RNF151: variants seen among roughly 807,000 people sequenced by gnomAD.
RNF151 encodes ring finger protein 151.
Under a neutral mutation model 11.1 loss-of-function variants are expected in RNF151, and 9 were observed. The ratio of observed to expected loss-of-function variants is 0.81; its 90% confidence interval spans 0.49 to 1.42. The LOEUF is 1.42. RNF151 is among the 40% of genes most tolerant of loss of function. The pLI, the probability that RNF151 is intolerant of heterozygous loss-of-function variation, is 0.00. For synonymous variants in RNF151, 172 were observed against 140.7 expected, an observed-to-expected ratio of 1.22 and a Z score of -1.58; for missense variants, 372 against 342.9, an observed-to-expected ratio of 1.08 and a Z score of -0.67.
chr16:1,968,510 T>G lies in RNF151; in HGVS notation c.323T>G (p.Phe108Cys). Residue 108 changes from phenylalanine (F) to cysteine (C), a missense_variant, in exon 4 of 4, where the codon TTT becomes TGT. By Grantham distance (205) the Phe-to-Cys change is radical. Coordinates refer to ENST00000569714, the MANE Select transcript of RNF151 (RefSeq NM_174903.6). Reference protein sequence around the residue: ...HRKGHQDSCPFELTACPNEGC... With the variant: ...HRKGHQDSCPCELTACPNEGC... The stretch of plus-strand genomic sequence containing the variant: ...AAGGGGCACCAGGACTCATGCCCCT[T>G]TGAGCTAACGGCCTGCCCCAACGAG... The G allele has an allele frequency of 6.2e-7, 1 of 1,608,606 alleles. No individual in the cohort carries two copies. The highest frequency in any genetic ancestry group is 1.1e-5 in the South Asian group (1 of 90,270).
At position 1,967,274 on chromosome 16, in the gene RNF151, G is replaced by C; in HGVS notation, c.4G>C (p.Gly2Arg). M[G>R]GGYDLNLFAS... is the part of the protein sequence containing the mutation. Reference sequence around the variant, plus strand: ...AGGTGCTGACACCTGGCCTTTGCAGGGTGGCGGGTATGATCTCAACCTCTT... The same window carrying C: ...AGGTGCTGACACCTGGCCTTTGCAGCGTGGCGGGTATGATCTCAACCTCTT... The change falls in exon 2 of 4, where the codon GGT becomes CGT. Residue 2 changes from glycine to arginine, a missense_variant and splice_region_variant. By Grantham distance (125) the Gly-to-Arg change is moderately radical. Transcript: ENST00000569714. The C allele has an allele frequency of 3.1e-6, 5 of 1,612,704 alleles. No homozygotes were observed. The highest frequency in any genetic ancestry group is 4.2e-6 in the Non-Finnish European group (5 of 1,179,462).
chr16:1,967,898 G>A lies in RNF151; in HGVS notation c.246+77G>A, dbSNP rs1412187964. ...GGGTGGGGCAGGGCTAGGAGAGAAG[G>A]CAGGAGAATCCCATCTTCAGAGAGA... On this transcript the variant is annotated intron_variant, in intron 3 of 3. Coordinates refer to ENST00000569714, the MANE Select transcript of RNF151 (RefSeq NM_174903.6). The A allele has an allele frequency of 5.8e-6, 6 of 1,030,978 alleles. No individual in the cohort carries two copies. In the Admixed American group the frequency reaches 1.2e-4, roughly 20 times the overall value. 63.9% of individuals were successfully genotyped at this position (1,030,978 alleles called of 1,614,324 possible).
In RNF151 at chr16:1,967,397, T is replaced by C. The variant is rs909347208; in HGVS notation, c.127T>C (p.Cys43Arg). The C allele has an allele frequency of 3.7e-6, 6 of 1,613,440 alleles. No homozygotes were observed. In the African/African-American group the frequency reaches 4.0e-5, roughly 11 times the overall value. ...ATGCAGCCACATCTTCTGCAAAAAG[T>C]GCATCCTCCGGTGGCTAGCCAGGTG... ...LPCSHIFCKK[C>R]ILRWLARQKT... is the part of the protein sequence containing the mutation. The change falls in exon 2 of 4, where the codon TGC becomes CGC. Residue 43 changes from cysteine (C) to arginine (R), a missense_variant. By Grantham distance (180) the Cys-to-Arg change is radical (BLOSUM62 -3). Transcript: ENST00000569714.
chr16:1,966,924 T>A (rs761068190), intron 1 of RNF151, 40 bp downstream of exon 1: 2 of 1,554,076 alleles, frequency 1.3e-6, no homozygotes, highest in South Asian at 2.4e-5. Flanking sequence ...CTGAGATGTG[T>A]GCCCAACTCC....
Position 1,968,454 on chromosome 16 carries a change from C to A in RNF151, c.267C>A (p.Gly89=). The change falls in exon 4 of 4, where the codon GGC becomes GGA. Residue 89 remains glycine (G), a synonymous_variant. Coordinates refer to ENST00000569714, the MANE Select transcript of RNF151 (RefSeq NM_174903.6). ...CTCAGTGCAAGAACGCCGACGCTGG[C>A]TGCATAGTGACATGCCCCCTGGCCC... ...LEVKCKNADA[G]CIVTCPLAHR... 6.4e-7 allele frequency: 1 copy of A among 1,567,636 alleles called. No individual in the cohort carries two copies. Among genetic ancestry groups the A allele is most frequent in the Non-Finnish European group, 8.7e-7 (1 of 1,152,152 alleles).
chr16:1,967,212 C>G (rs752454884), intron 1 of RNF151, 62 bp from the exon 2 acceptor site: 5 of 1,557,032 alleles, frequency 3.2e-6, no homozygotes, highest in Non-Finnish European at 4.3e-6. Flanking sequence ...CTCTCTTGCT[C>G]GGTATGTGGA....
Position 1,967,276 on chromosome 16 carries a change from T to C in RNF151, c.6T>C (p.Gly2=). 1.2e-6 allele frequency: 2 copies of C among 1,612,672 alleles called. No homozygotes were observed. Among genetic ancestry groups the C allele is most frequent in the Non-Finnish European group, 1.7e-6 (2 of 1,179,484 alleles). The part of the protein sequence containing the change: M[G]GGYDLNLFAS... Reference sequence around the variant, plus strand: ...GTGCTGACACCTGGCCTTTGCAGGGTGGCGGGTATGATCTCAACCTCTTCG... The same window carrying C: ...GTGCTGACACCTGGCCTTTGCAGGGCGGCGGGTATGATCTCAACCTCTTCG... Residue 2 remains glycine (G), a splice_region_variant and synonymous_variant, in exon 2 of 4, where the codon GGT becomes GGC. Transcript: ENST00000569714.
In RNF151 at chr16:1,968,898, G is replaced by C. The variant is rs754473703; in HGVS notation, c.711G>C (p.Glu237Asp). The C allele has an allele frequency of 6.3e-7, 1 of 1,598,592 alleles. No homozygotes were observed. Among genetic ancestry groups the C allele is most frequent in the Admixed American group, 1.7e-5 (1 of 58,142 alleles). Reference protein sequence around the residue: ...EGNVGAEVVGEPRANIPCK With the variant: ...EGNVGAEVVGDPRANIPCK ...ACGTTGGGGCTGAGGTGGTGGGGGA[G>C]CCCAGGGCCAACATACCTTGTAAAT... Residue 237 changes from glutamate (E) to aspartate (D), a missense_variant, in exon 4 of 4, where the codon GAG (glutamate) becomes GAC (aspartate). Glu to Asp is a conservative substitution (Grantham distance 45). Transcript: ENST00000569714.
Position 1,967,315 on chromosome 16 carries a change from CAG to C in RNF151, c.46_47del (p.Ser16GlnfsTer42). 23 of 1,613,634 alleles carry C rather than the reference CAG, an allele frequency of 1.4e-5. No homozygotes were observed. The highest frequency in any genetic ancestry group is 1.9e-5 in the Non-Finnish European group (23 of 1,179,864). ...DLNLFASPPD[S>X]NFVCSVCHGV... ...TCAACCTCTTCGCCAGCCCTCCTGA[CAG>C]CAACTTCGTGTGCTCCGTCTGCCAT... On this transcript the variant is annotated frameshift_variant, in exon 2 of 4. Coordinates refer to ENST00000569714, the MANE Select transcript of RNF151 (RefSeq NM_174903.6). LOFTEE classifies it high-confidence loss of function.
chr16:1,967,029 T>A, intron 1 of RNF151, 145 bp downstream of exon 1: 1 of 1,109,612 alleles, frequency 9.0e-7, no homozygotes, highest in Non-Finnish European at 1.3e-6. Flanking sequence ...GGAAACCTTC[T>A]GGAAGGCTCT....
intron 1 of RNF151, 45 bp from the exon 2 acceptor site, chr16:1,967,229 A>G (rs777571789): frequency 5.2e-5 from 83 of 1,590,742 alleles, no homozygotes; most frequent in Non-Finnish European, 6.9e-5. Context: ...TGGACCAGGG[A>G]CTGGATCACT....
intron 3 of RNF151, chr16:1,968,088 A>G (rs2083327444): frequency 5.8e-6 from 4 of 684,244 alleles, no homozygotes; most frequent in Admixed American, 2.1e-5. Context: ...GAGGATTTTT[A>G]GAGGATCAAG....
chr16:1,967,308 C>G lies in RNF151; in HGVS notation c.38C>G (p.Pro13Arg). 6.2e-7 allele frequency: 1 copy of G among 1,613,574 alleles called. No individual in the cohort carries two copies. The highest frequency in any genetic ancestry group is 8.5e-7 in the Non-Finnish European group (1 of 1,179,870). The change falls in exon 2 of 4, where the codon CCT becomes CGT. Residue 13 changes from proline to arginine, a missense_variant. Transcript: ENST00000569714. ...TATGATCTCAACCTCTTCGCCAGCC[C>G]TCCTGACAGCAACTTCGTGTGCTCC... ...GGYDLNLFAS[P>R]PDSNFVCSVC... is the part of the protein sequence containing the mutation.
chr16:1,967,214 G>A, intron 1 of RNF151, 60 bp from the exon 2 acceptor site: 1 of 1,569,872 alleles, frequency 6.4e-7, no homozygotes, highest in South Asian at 1.2e-5. Flanking sequence ...CTCTTGCTCG[G>A]TATGTGGACC....
intron 3 of RNF151, 158 bp downstream of exon 3, chr16:1,967,979 T>C: frequency 1.4e-6 from 1 of 713,132 alleles, no homozygotes; most frequent in Non-Finnish European, 2.5e-6. Flanking sequence ...GTGGCTCTAC[T>C]GCTTAGTTGC....
intron 1 of RNF151, 119 bp downstream of exon 1, chr16:1,967,003 C>A: frequency 2.4e-6 from 3 of 1,229,460 alleles, no homozygotes; most frequent in Non-Finnish European, 3.4e-6. Context: ...GGGTTGCAGA[C>A]CCCCATATGG....
intron 3 of RNF151, 114 bp from the exon 4 acceptor site, chr16:1,968,320 C>A: frequency 7.5e-7 from 1 of 1,326,496 alleles, no homozygotes; most frequent in Non-Finnish European, 1.0e-6. Context: ...TCACCAGAGT[C>A]AGAAAAGCGT....
In RNF151 at chr16:1,968,482, CG is replaced by C. The variant is rs1350026619; in HGVS notation, c.296del (p.Arg99ProfsTer12). The C allele has an allele frequency of 1.9e-6, 3 of 1,589,776 alleles. No individual in the cohort carries two copies. In the East Asian group the frequency reaches 6.8e-5, roughly 36 times the overall value. ...GCIVTCPLAHRKGHQDSCPFE... is the reference protein window; with the variant it reads ...GCIVTCPLAHXKGHQDSCPFE... Reference sequence around the variant, plus strand: ...CATAGTGACATGCCCCCTGGCCCATCGCAAGGGGCACCAGGACTCATGCCCC... The same window carrying C: ...CATAGTGACATGCCCCCTGGCCCATCCAAGGGGCACCAGGACTCATGCCCC... On this transcript the variant is annotated frameshift_variant, in exon 4 of 4. Coordinates refer to ENST00000569714, the MANE Select transcript of RNF151 (RefSeq NM_174903.6). LOFTEE classifies it low-confidence loss of function (END_TRUNC).
intron 1 of RNF151, 170 bp from the exon 2 acceptor site, chr16:1,967,104 G>T (rs2083317348): frequency 2.0e-6 from 1 of 507,232 alleles, no homozygotes; most frequent in South Asian, 8.4e-5. Flanking sequence ...CTGGGGTGGG[G>T]GGCCCTAACC....
Sources: gnomAD v4.1 joint callset for allele counts on GRCh38, gnomAD v4.1.1 for gene constraint, MANE v1.5 for transcripts, NCBI Gene and HGNC (gene_info 2026-07-23, HGNC 2026-07-21) for gene names.